TERB1: variants seen among roughly 807,000 people sequenced by gnomAD.
The protein encoded by TERB1 is telomere repeats-binding bouquet formation protein 1.
TERB1 carries 63 observed loss-of-function variants against 92.3 expected under a neutral mutation model. That is an observed-to-expected ratio of 0.68 (90% confidence interval 0.56 to 0.84). The LOEUF (loss-of-function observed/expected upper bound fraction) is 0.84, where lower values mean the gene tolerates loss of function less well. TERB1 is among the 40% of genes least tolerant of loss of function. The pLI is 0.00. For synonymous variants in TERB1, 252 were observed against 283.9 expected (o/e 0.89, Z 1.13); for missense variants, 709 against 843.7 (o/e 0.84, Z 1.98).
rs544744816 is a variant in TERB1 at position 66,773,828 on chromosome 16, A to ATCCCTGATG, written c.1112-1088_1112-1080dup. Among the ~76,000 whole-genome samples, 26 of 152,256 alleles carry ATCCCTGATG rather than the reference A, an allele frequency of 1.7e-4. No individual in the cohort carries two copies. In the East Asian group the frequency reaches 4.0e-3, roughly 24 times the overall value. On this transcript the variant is annotated intron_variant, in intron 12 of 18. Transcript: ENST00000433154. ...TACACAGACTGTTTTTCATCACTGT[A>ATCCCTGATG]TCCCTGATGTCCCTGATGTCTAGCA... is the stretch of plus-strand genomic sequence containing the variant.
intron 9 of TERB1, among the ~76,000 whole-genome samples, chr16:66,779,883 T>C (rs1400288774): frequency 6.6e-6 from 1 of 152,086 alleles, no homozygotes; most frequent in Non-Finnish European, 1.5e-5. Context: ...TCCCTGAGAG[T>C]CGTAACTATT....
chr16:66,756,127 TATCTC>T (rs2018134155), intron 18 of TERB1, among the ~76,000 whole-genome samples: 1 of 152,242 alleles, frequency 6.6e-6, no homozygotes, highest in Admixed American at 6.5e-5. Context: ...CATTCATTAT[TATCTC>T]ATCTTATCAA....
intron 13 of TERB1, among the ~76,000 whole-genome samples, chr16:66,771,298 C>T (rs985332647): frequency 3.3e-5 from 5 of 152,230 alleles, no homozygotes; most frequent in South Asian, 2.1e-4. Context: ...AAGATCAAAA[C>T]GCTGTGGGGA....
intron 5 of TERB1, among the ~76,000 whole-genome samples, chr16:66,789,633 A>AAAAAAAAAAAC (rs2018793273): frequency 6.9e-6 from 1 of 145,270 alleles, no homozygotes; most frequent in Non-Finnish European, 1.5e-5. Context: ...AAAAAAAAAA[A>AAAAAAAAAAAC]TTCAGGGACT....
At chr16:66,780,631 A>G (rs1189504196) in intron 9 of TERB1, among the ~76,000 whole-genome samples, 1 of 152,140 alleles carries the variant, frequency 6.6e-6, no homozygotes, top group Non-Finnish European at 1.5e-5. Context: ...GTTACCACAG[A>G]TTCTTAGTTA....
At chr16:66,786,184 A>C in intron 7 of TERB1, 41 bp downstream of exon 7, 1 of 1,527,868 alleles carries the variant, frequency 6.5e-7, no homozygotes, top group Non-Finnish European at 8.9e-7. Flanking sequence ...TAAGGTCCTA[A>C]GTAATGAATA....
chr16:66,778,915 A>G lies in TERB1; in HGVS notation c.801T>C (p.Ala267=), dbSNP rs999989387. The G allele has an allele frequency of 2.6e-6, 4 of 1,532,732 alleles. No homozygotes were observed. In the African/African-American group the frequency reaches 4.1e-5, roughly 16 times the overall value. 94.9% of individuals were successfully genotyped at this position (1,532,732 alleles called of 1,614,324 possible). Residue 267 remains alanine, a synonymous_variant, in exon 10 of 19, where the codon GCT becomes GCC. Coordinates refer to ENST00000433154, the MANE Select transcript of TERB1 (RefSeq NM_001136505.2). The stretch of plus-strand genomic sequence containing the variant: ...TCTTCGTCACAACCACTGCAAGTTT[A>G]GCACTGGAAAGAGTCTCATGTGAAT... ...ESDSHETLSS[A]KLAVVVTKTV...
In TERB1 at chr16:66,768,143, G is replaced by A; in HGVS notation, c.1645C>T (p.His549Tyr). 1 of 1,550,464 alleles carries A rather than the reference G, an allele frequency of 6.4e-7. No homozygotes were observed. The highest frequency in any genetic ancestry group is 8.7e-7 in the Non-Finnish European group (1 of 1,146,020). The change falls in exon 15 of 19, where the codon CAC becomes TAC. Residue 549 changes from histidine to tyrosine, a missense_variant. Physicochemically the swap from His to Tyr is moderately conservative, Grantham distance 83 (BLOSUM62 2). Coordinates refer to ENST00000433154, the MANE Select transcript of TERB1 (RefSeq NM_001136505.2). ...SSDHVFKHPVHIAKNIKQQLP... is the reference protein window; with the variant it reads ...SSDHVFKHPVYIAKNIKQQLP... ...TGCTGCTTTATATTTTTGGCAATGT[G>A]AACTGGGTGTTTAAAAACATGGTCA...
Position 66,765,658 on chromosome 16 carries a change from G to A in TERB1, c.1780+1757C>T, listed in dbSNP as rs372520546. On this transcript the variant is annotated intron_variant, in intron 16 of 18. Coordinates refer to ENST00000433154, the MANE Select transcript of TERB1 (RefSeq NM_001136505.2). ...ATTTTAGTAGAGACGGGGTTTCACC[G>A]TGTTGACCAGGCTGGTCTTGAACTC... is the stretch of plus-strand genomic sequence containing the variant. Among the ~76,000 whole-genome samples, 12 of 150,658 alleles carry A rather than the reference G, an allele frequency of 8.0e-5. No individual in the cohort carries two copies. The East Asian group carries it at 1.4e-3, about 17-fold the overall frequency.
chr16:66,754,971 T>C lies in TERB1; in HGVS notation c.*5A>G, dbSNP rs2018111773. 3.9e-6 allele frequency: 6 copies of C among 1,544,128 alleles called. No individual in the cohort carries two copies. Among genetic ancestry groups the C allele is most frequent in the Non-Finnish European group, 5.2e-6 (6 of 1,145,438 alleles). ...CCAAACTAAAAACTGACAGTCTTCT[T>C]TCAATCAAGAAGCTGCACACGTGGG... On this transcript the variant is annotated 3_prime_UTR_variant, in exon 19 of 19. Transcript: ENST00000433154.
At chr16:66,800,646 C>T (rs1049237237) in intron 2 of TERB1, among the ~76,000 whole-genome samples, 3 of 151,972 alleles carry the variant, frequency 2.0e-5, no homozygotes, top group African/African-American at 7.2e-5. Context: ...GATAATCCCA[C>T]CACTAAATTG....
intron 16 of TERB1, among the ~76,000 whole-genome samples, chr16:66,759,999 G>A (rs1419446321): frequency 5.7e-5 from 8 of 141,302 alleles, no homozygotes; most frequent in Admixed American, 4.3e-4. Context: ...CAGGCATGGT[G>A]GTGGGTGCCT....
chr16:66,758,890 A>G (rs2018182410), intron 17 of TERB1, 52 bp from the exon 18 acceptor site: 5 of 1,167,520 alleles, frequency 4.3e-6, no homozygotes, highest in Non-Finnish European at 3.7e-6. Context: ...TCTGAGTAAT[A>G]GCATATCAAT....
intron 16 of TERB1, among the ~76,000 whole-genome samples, chr16:66,765,171 G>C (rs2018317578): frequency 6.6e-6 from 1 of 152,078 alleles, no homozygotes; most frequent in South Asian, 2.1e-4. Context: ...ATGAATGAAT[G>C]GTAACTAGGG....
At chr16:66,798,018 T>C (rs1207978536) in intron 2 of TERB1, among the ~76,000 whole-genome samples, 2 of 151,598 alleles carry the variant, frequency 1.3e-5, no homozygotes, top group African/African-American at 2.4e-5. Context: ...AACACTATGT[T>C]GTTAAAGAGA....
At chr16:66,789,765 C>T (rs1407547378) in intron 5 of TERB1, among the ~76,000 whole-genome samples, 2 of 146,636 alleles carry the variant, frequency 1.4e-5, no homozygotes, top group African/African-American at 2.5e-5. Context: ...GGTTAGAGTG[C>T]AGTGGCATAA....
At chr16:66,759,825 G>GA (rs1223795413) in intron 16 of TERB1, among the ~76,000 whole-genome samples, 2 of 136,654 alleles carry the variant, frequency 1.5e-5, no homozygotes, top group Non-Finnish European at 3.1e-5. Context: ...AAAAAGGAAA[G>GA]AAAGAAAAGA....
At chr16:66,797,997 T>C (rs973192597) in intron 2 of TERB1, among the ~76,000 whole-genome samples, 2 of 152,078 alleles carry the variant, frequency 1.3e-5, no homozygotes, top group Non-Finnish European at 2.9e-5. Flanking sequence ...TCTAAAATTC[T>C]TATTTATTCC....
At chr16:66,774,331 G>A (rs1232232937) in intron 12 of TERB1, among the ~76,000 whole-genome samples, 5 of 151,738 alleles carry the variant, frequency 3.3e-5, no homozygotes, top group African/African-American at 9.7e-5. Context: ...GACTACAGGC[G>A]TCTGCCAACA....
Sources: gnomAD v4.1 joint callset for allele counts (sites outside exome capture counted in the v4.1 genomes callset) on GRCh38, gnomAD v4.1.1 for gene constraint, MANE v1.5 for transcripts, NCBI Gene and HGNC (gene_info 2026-07-23, HGNC 2026-07-21) for gene names.